LMO7: variants seen among roughly 807,000 people sequenced by gnomAD.
LMO7 encodes LIM domain only protein 7.
A neutral mutation model predicts 206.5 loss-of-function variants in LMO7; 120 were observed. The observed-to-expected ratio is 0.58, with a 90% CI of 0.50 to 0.68. The LOEUF is 0.68. Ranked by LOEUF, LMO7 falls within the 30% of genes least tolerant of loss-of-function variation. The pLI is 0.00. For synonymous variants in LMO7, 706 were observed against 681.5 expected, an observed-to-expected ratio of 1.04 and a Z score of -0.56; for missense variants, 1,959 against 1,957.9, an observed-to-expected ratio of 1.00 and a Z score of -0.01.
intron 1 of LMO7, among the ~76,000 whole-genome samples, chr13:75,678,200 T>G (rs1358971641): frequency 6.6e-6 from 1 of 152,202 alleles, no homozygotes; most frequent in African/African-American, 2.4e-5. Context: ...TAGTTCTAGA[T>G]CCCTGAGGAA....
At chr13:75,841,050 A>G in intron 22 of LMO7, 59 bp from the exon 23 acceptor site, 1 of 1,044,986 alleles carries the variant, frequency 9.6e-7, no homozygotes, top group Non-Finnish European at 1.4e-6. Flanking sequence ...GTTAATAAAG[A>G]AGATTCCTAA....
Position 75,841,832 on chromosome 13 carries a change from A to G in LMO7, c.3880A>G (p.Arg1294Gly). Residue 1294 changes from arginine (R) to glycine (G), a missense_variant, in exon 24 of 31, where the codon AGA becomes GGA. By Grantham distance (125) the Arg-to-Gly change is moderately radical. Transcript: ENST00000377534. ...GCCGCAGGATCAGCTTGTTATTGAGAGAGAGAGGAAATGGGAGCAACAGCT... is the reference window on the plus strand; with the variant it reads ...GCCGCAGGATCAGCTTGTTATTGAGGGAGAGAGGAAATGGGAGCAACAGCT... Reference protein sequence around the residue: ...KKPQDQLVIERERKWEQQLQE... With the variant: ...KKPQDQLVIEGERKWEQQLQE... The G allele has an allele frequency of 6.2e-7, 1 of 1,614,124 alleles. No homozygotes were observed. Among genetic ancestry groups the G allele is most frequent in the Non-Finnish European group, 8.5e-7 (1 of 1,180,010 alleles).
chr13:75,849,683 T>C (rs1024712352), intron 27 of LMO7, among the ~76,000 whole-genome samples: 2 of 152,154 alleles, frequency 1.3e-5, no homozygotes, highest in Admixed American at 1.3e-4. Context: ...TTCATATTTT[T>C]ATATTTCTAA....
intron 4 of LMO7, among the ~76,000 whole-genome samples, chr13:75,768,553 T>G (rs907625710): frequency 5.9e-5 from 9 of 152,214 alleles, no homozygotes; most frequent in Middle Eastern, 3.4e-3. Context: ...GAATGTTTCC[T>G]TAGAAAGTTT....
At chr13:75,659,751 C>T (rs1405450738) in intron 1 of LMO7, among the ~76,000 whole-genome samples, 2 of 152,130 alleles carry the variant, frequency 1.3e-5, no homozygotes, top group Non-Finnish European at 1.5e-5. Context: ...ATAAAAAAAG[C>T]AATTTCTGTG....
At chr13:75,749,197 G>A (rs140569467) in intron 3 of LMO7, among the ~76,000 whole-genome samples, 33 of 152,314 alleles carry the variant, frequency 2.2e-4, no homozygotes, top group African/African-American at 7.7e-4. Flanking sequence ...GGGACAGGTT[G>A]CACTAAAGGT....
intron 1 of LMO7, among the ~76,000 whole-genome samples, chr13:75,670,147 T>C (rs1289964071): frequency 6.6e-6 from 1 of 152,192 alleles, no homozygotes; most frequent in Non-Finnish European, 1.5e-5. Context: ...CTTTGCTTAA[T>C]AGGAGAGAAC....
chr13:75,658,852 G>A (rs947345922), intron 1 of LMO7, among the ~76,000 whole-genome samples: 3 of 151,948 alleles, frequency 2.0e-5, no homozygotes, highest in African/African-American at 7.2e-5. Flanking sequence ...GCCTCCCAAA[G>A]TGCTGGGACT....
At chr13:75,640,334 G>A (rs1375015168) in intron 1 of LMO7, among the ~76,000 whole-genome samples, 3 of 152,166 alleles carry the variant, frequency 2.0e-5, no homozygotes, top group African/African-American at 7.2e-5. Context: ...CAGTTAAATG[G>A]ATGCTGATGG....
intron 1 of LMO7, among the ~76,000 whole-genome samples, chr13:75,694,812 C>T (rs1452128385): frequency 6.6e-6 from 1 of 152,092 alleles, no homozygotes; most frequent in Non-Finnish European, 1.5e-5. Flanking sequence ...AGTGGAGAAC[C>T]AGAGGACTAA....
At chr13:75,724,890 T>C (rs2044332672) in intron 2 of LMO7, among the ~76,000 whole-genome samples, 3 of 152,124 alleles carry the variant, frequency 2.0e-5, no homozygotes, top group Non-Finnish European at 2.9e-5. Flanking sequence ...TTGTGTGTTA[T>C]TCAGATTATT....
chr13:75,638,165 T>A (rs138896919), intron 1 of LMO7, among the ~76,000 whole-genome samples: 6 of 152,284 alleles, frequency 3.9e-5, no homozygotes, highest in Admixed American at 1.3e-4. Flanking sequence ...AGGGGAGACG[T>A]GGGGACATGT....
At chr13:75,641,955 C>T (rs745830220) in intron 1 of LMO7, among the ~76,000 whole-genome samples, 8 of 152,160 alleles carry the variant, frequency 5.3e-5, no homozygotes, top group Non-Finnish European at 1.2e-4. Context: ...GCCACCACAC[C>T]CGGCCCCATT....
chr13:75,805,193 T>C, intron 8 of LMO7: 2 of 1,228,876 alleles, frequency 1.6e-6, no homozygotes, highest in Non-Finnish European at 2.0e-6. Context: ...ATTATGCTGC[T>C]GATTTTAATT....
intron 1 of LMO7, among the ~76,000 whole-genome samples, chr13:75,706,733 G>A (rs1228514976): frequency 6.6e-6 from 1 of 151,990 alleles, no homozygotes; most frequent in Non-Finnish European, 1.5e-5. Context: ...TTTTGAAGCT[G>A]TATTATGTTG....
chr13:75,768,775 G>T (rs1452289292), intron 4 of LMO7, among the ~76,000 whole-genome samples: 1 of 151,934 alleles, frequency 6.6e-6, no homozygotes, highest in Non-Finnish European at 1.5e-5. Flanking sequence ...TTTTCTTTTT[G>T]GAATAGGTGT....
At chr13:75,678,489 G>A (rs1017877425) in intron 1 of LMO7, among the ~76,000 whole-genome samples, 22 of 152,018 alleles carry the variant, frequency 1.4e-4, no homozygotes, top group Admixed American at 5.2e-4. Flanking sequence ...GCTTTATTTT[G>A]GGGGAAAGTT....
intron 12 of LMO7, among the ~76,000 whole-genome samples, chr13:75,819,086 C>G (rs1279560080): frequency 1.3e-5 from 2 of 152,150 alleles, no homozygotes; most frequent in African/African-American, 2.4e-5. Flanking sequence ...GGAAACAGTT[C>G]CTGATCTATC....
intron 3 of LMO7, among the ~76,000 whole-genome samples, chr13:75,749,222 C>T (rs949648139): frequency 2.6e-5 from 4 of 152,140 alleles, no homozygotes; most frequent in African/African-American, 9.7e-5. Context: ...CAATTTCTAG[C>T]CGGCTTTAAA....
Sources: gnomAD v4.1 joint callset for allele counts (sites outside exome capture counted in the v4.1 genomes callset) on GRCh38, gnomAD v4.1.1 for gene constraint, MANE v1.5 for transcripts, NCBI Gene and HGNC (gene_info 2026-07-23, HGNC 2026-07-21) for gene names.